The following CLSTN2 variants were observed in gnomAD, a reference collection of about 807,000 sequenced individuals.
CLSTN2 encodes calsyntenin 2.
A neutral mutation model predicts 101.2 loss-of-function variants in CLSTN2; 48 were observed. That is an observed-to-expected ratio of 0.47 (90% confidence interval 0.38 to 0.60). The LOEUF (loss-of-function observed/expected upper bound fraction) is 0.60. Among genes scored for constraint, CLSTN2 ranks in the 20% least tolerant of loss-of-function variants. The pLI is 0.00. For missense variants in CLSTN2, 1,160 were observed against 1,238.2 expected (o/e 0.94, Z 0.95); for synonymous variants, 481 against 463.6 (o/e 1.04, Z -0.48).
chr3:140,439,743 GCA>G (rs757195934), intron 5 of CLSTN2, among the ~76,000 whole-genome samples: 45 of 89,934 alleles, frequency 5.0e-4, no homozygotes, highest in Admixed American at 7.3e-4. Flanking sequence ...ACGTGCACGT[GCA>G]CACACACGCA....
At chr3:140,415,950 C>T (rs1024381089) in intron 4 of CLSTN2, among the ~76,000 whole-genome samples, 1 of 152,240 alleles carries the variant, frequency 6.6e-6, no homozygotes, top group Non-Finnish European at 1.5e-5. Flanking sequence ...CAGAAACAAC[C>T]TAAGTGACTG....
At chr3:140,180,855 C>G (rs1314319341) in intron 2 of CLSTN2, among the ~76,000 whole-genome samples, 1 of 152,190 alleles carries the variant, frequency 6.6e-6, no homozygotes, top group African/African-American at 2.4e-5. Flanking sequence ...TGGGAATGCT[C>G]TTTCATACAT....
At chr3:140,125,139 AG>A (rs1353339303) in intron 1 of CLSTN2, among the ~76,000 whole-genome samples, 2 of 152,072 alleles carry the variant, frequency 1.3e-5, no homozygotes, top group African/African-American at 4.8e-5. Context: ...TAGTGGGTTG[AG>A]GGAGGATAGG....
rs1004288309 is a variant in CLSTN2 at position 140,570,357 on chromosome 3, G to C, written c.*4104G>C. The C allele has an allele frequency of 6.6e-6, 1 of 152,124 alleles. No homozygotes were observed. Among genetic ancestry groups the C allele is most frequent in the African/African-American group, 2.4e-5 (1 of 41,418 alleles). 9.4% of individuals were successfully genotyped at this position (152,124 alleles called of 1,614,324 possible). The stretch of plus-strand genomic sequence containing the variant: ...ATTCCTTGAACAATACAGTTTAACA[G>C]GATTTACATAGCATTTACACTGTAT... On this transcript the variant is annotated 3_prime_UTR_variant, in exon 17 of 17. Coordinates refer to ENST00000458420, the MANE Select transcript of CLSTN2 (RefSeq NM_022131.3).
At chr3:140,210,787 GA>G (rs144588188) in intron 2 of CLSTN2, among the ~76,000 whole-genome samples, 4,248 of 152,090 alleles carry the variant, frequency 0.028, 191 homozygotes, top group African/African-American at 0.095. Context: ...GGTCATTATA[GA>G]AACCTACAGA....
At chr3:140,109,415 G>A (rs2009116077) in intron 1 of CLSTN2, among the ~76,000 whole-genome samples, 1 of 152,140 alleles carries the variant, frequency 6.6e-6, no homozygotes, top group African/African-American at 2.4e-5. Context: ...GCCTTGATGT[G>A]CTCTAATTGG....
At chr3:140,527,497 A>G (rs1479948674) in intron 8 of CLSTN2, among the ~76,000 whole-genome samples, 4 of 152,230 alleles carry the variant, frequency 2.6e-5, no homozygotes, top group Admixed American at 6.5e-5. Flanking sequence ...TTCAGCCACT[A>G]TGGAAAGCAG....
chr3:140,290,567 T>C (rs751677668), intron 2 of CLSTN2, among the ~76,000 whole-genome samples: 24 of 152,102 alleles, frequency 1.6e-4, no homozygotes, highest in Non-Finnish European at 3.1e-4. Context: ...TTCTGAGAAG[T>C]TCAGTCTATG....
chr3:140,481,357 G>T (rs1236154456), intron 8 of CLSTN2, among the ~76,000 whole-genome samples: 2 of 152,324 alleles, frequency 1.3e-5, no homozygotes, highest in African/African-American at 4.8e-5. Flanking sequence ...TAGCCTTGTA[G>T]TATAGTTTGA....
intron 8 of CLSTN2, among the ~76,000 whole-genome samples, chr3:140,517,758 T>G (rs1218719471): frequency 6.6e-6 from 1 of 152,086 alleles, no homozygotes; most frequent in Admixed American, 6.6e-5. Context: ...GATCTTTGGT[T>G]GTGGCTTTGT....
intron 2 of CLSTN2, among the ~76,000 whole-genome samples, chr3:140,304,609 C>T (rs534981607): frequency 2.6e-5 from 4 of 152,224 alleles, no homozygotes; most frequent in African/African-American, 9.6e-5. Context: ...ATATTGGGAG[C>T]TAGGGCTTCA....
chr3:140,383,608 AACATGTG>A (rs2088016396), intron 2 of CLSTN2, among the ~76,000 whole-genome samples: 1 of 152,202 alleles, frequency 6.6e-6, no homozygotes, highest in South Asian at 2.1e-4. Context: ...GGATAGTATA[AACATGTG>A]ACCTTTGCTG....
chr3:140,411,929 G>A (rs1262285103), intron 4 of CLSTN2, among the ~76,000 whole-genome samples: 1 of 152,226 alleles, frequency 6.6e-6, no homozygotes. Context: ...GGAAGTGCAG[G>A]CTGGTAGAGA....
intron 1 of CLSTN2, among the ~76,000 whole-genome samples, chr3:139,956,346 C>A (rs73867244): frequency 0.032 from 4,832 of 152,258 alleles, 279 homozygotes; most frequent in African/African-American, 0.11. Flanking sequence ...TTCTCCTCCT[C>A]TGCAGATGTG....
chr3:140,100,918 G>A (rs2008955539), intron 1 of CLSTN2, among the ~76,000 whole-genome samples: 1 of 152,134 alleles, frequency 6.6e-6, no homozygotes, highest in Non-Finnish European at 1.5e-5. Flanking sequence ...AAGAAGTCAA[G>A]CCTGCCTTTA....
intron 10 of CLSTN2, among the ~76,000 whole-genome samples, chr3:140,549,676 A>ATTCT (rs1935669892): frequency 6.7e-6 from 1 of 148,818 alleles, no homozygotes; most frequent in Non-Finnish European, 1.5e-5. Flanking sequence ...ATTAGAAGAC[A>ATTCT]TTCTTGAAAA....
At chr3:140,560,277 A>G (rs781363871) in intron 12 of CLSTN2, among the ~76,000 whole-genome samples, 25 of 152,220 alleles carry the variant, frequency 1.6e-4, no homozygotes, top group Admixed American at 1.6e-3. Flanking sequence ...GACCGGCTTC[A>G]GCATCATCTG....
intron 1 of CLSTN2, among the ~76,000 whole-genome samples, chr3:140,045,394 G>A (rs544073460): frequency 2.4e-4 from 36 of 151,922 alleles, no homozygotes; most frequent in East Asian, 1.5e-3. Flanking sequence ...TTTTTGTTGC[G>A]TCTATTTGAT....
chr3:140,560,889 G>A (rs955326034), intron 12 of CLSTN2, among the ~76,000 whole-genome samples: 1 of 152,076 alleles, frequency 6.6e-6, no homozygotes, highest in African/African-American at 2.4e-5. Context: ...TATAGACCCT[G>A]TCTTAAGCGT....
Sources: allele counts gnomAD v4.1 joint callset (sites outside exome capture counted in the v4.1 genomes callset), GRCh38; gene constraint gnomAD v4.1.1; transcripts MANE v1.5; gene names NCBI Gene and HGNC (gene_info 2026-07-23, HGNC 2026-07-21).